SH2D1A: variants seen among roughly 807,000 people sequenced by gnomAD.
SH2D1A encodes SH2 domain containing 1A.
Under a neutral mutation model 10.1 loss-of-function variants are expected in SH2D1A, and 6 were observed. The observed-to-expected ratio is 0.60, with a 90% CI of 0.33 to 1.18. SH2D1A has a LOEUF of 1.18. Ranked by LOEUF, SH2D1A falls within the 50% of genes most tolerant of loss-of-function variation. The probability of loss-of-function intolerance (pLI) is 0.04; values close to 1 mark genes in which losing one functional copy is unlikely to be tolerated. For synonymous variants in SH2D1A, 42 were observed against 36.9 expected, an observed-to-expected ratio of 1.14 and a Z score of -0.51; for missense variants, 51 against 97.6, an observed-to-expected ratio of 0.52 and a Z score of 2.01.
In SH2D1A at chrX:124,370,186, G is replaced by C. The variant is rs1434069108; in HGVS notation, c.212G>C (p.Gly71Ala). ...TGSWSAETAP[G>A]VHKRYFRKIK... The stretch of plus-strand genomic sequence containing the variant: ...CCTTTTATTTTCCAGACAGCACCTG[G>C]GGTACATAAAAGATATTTCCGGAAA... The change falls in exon 3 of 4, where the codon GGG (glycine) becomes GCG (alanine). Residue 71 changes from glycine (G) to alanine (A), a missense_variant. Physicochemically the swap from Gly to Ala is moderately conservative, Grantham distance 60. Transcript: ENST00000371139. 8.3e-7 allele frequency: 1 copy of C among 1,202,726 alleles called. No homozygotes were observed. Among genetic ancestry groups the C allele is most frequent in the Non-Finnish European group, 1.1e-6 (1 of 888,724 alleles).
intron 1 of SH2D1A, among the ~76,000 whole-genome samples, chrX:124,362,969 A>G (rs1416635259): frequency 2.7e-5 from 3 of 111,313 alleles, no homozygotes. Flanking sequence ...GCTACTCACA[A>G]GGCAAGAGAA....
In SH2D1A at chrX:124,371,785, G is replaced by A; in HGVS notation, c.*394G>A. ...TAATTTTAAAATGTCTTGCTTGATT[G>A]TATGGTGGGAAGTTGGCTGGTGTCC... On this transcript the variant is annotated 3_prime_UTR_variant, in exon 4 of 4. Coordinates refer to ENST00000371139, the MANE Select transcript of SH2D1A (RefSeq NM_002351.5). 5.9e-6 allele frequency: 1 copy of A among 169,665 alleles called. No individual in the cohort carries two copies. Among genetic ancestry groups the A allele is most frequent in the Non-Finnish European group, 1.1e-5 (1 of 88,281 alleles). The allele number at this position is 169,665 out of a possible 1,213,427, so 14.0% of individuals were successfully genotyped here. A position where few individuals can be genotyped will look rare whatever the true frequency, so the allele number is the denominator to read the frequency against.
At chrX:124,365,436 A>G (rs1027721677) in intron 1 of SH2D1A, among the ~76,000 whole-genome samples, 1 of 110,735 alleles carries the variant, frequency 9.0e-6, no homozygotes, top group Non-Finnish European at 1.9e-5. Flanking sequence ...AAACTATCTA[A>G]TAATTCATGG....
At chrX:124,350,989 A>G (rs1158963144) in intron 1 of SH2D1A, among the ~76,000 whole-genome samples, 1 of 41,685 alleles carries the variant, frequency 2.4e-5, no homozygotes, top group Non-Finnish European at 3.5e-5. Context: ...AATATATTAT[A>G]TATATATTAT....
At chrX:124,364,593 C>T (rs2060049366) in intron 1 of SH2D1A, among the ~76,000 whole-genome samples, 1 of 109,586 alleles carries the variant, frequency 9.1e-6, no homozygotes, top group South Asian at 4.0e-4. Flanking sequence ...CAACCTCCGC[C>T]TCCTGAGTTC....
At chrX:124,364,824 T>G (rs987026083) in intron 1 of SH2D1A, among the ~76,000 whole-genome samples, 1 of 111,623 alleles carries the variant, frequency 9.0e-6, no homozygotes, top group Admixed American at 9.5e-5. Flanking sequence ...ATTCTAGTAG[T>G]GTAATGTCCT....
At chrX:124,367,778 G>T (rs753577207) in intron 2 of SH2D1A, 1 of 111,718 alleles carries the variant, frequency 9.0e-6, no homozygotes, top group East Asian at 2.8e-4. Flanking sequence ...TTAAATCTTT[G>T]CCTAGTGTAT....
chrX:124,349,397 T>A (rs956044179), intron 1 of SH2D1A, among the ~76,000 whole-genome samples: 1 of 111,808 alleles, frequency 8.9e-6, no homozygotes, highest in Non-Finnish European at 1.9e-5. Flanking sequence ...AATCAGATTT[T>A]ATTTAGAAAT....
rs915605791 is a variant in SH2D1A, at chrX:124,346,666, T to C, written c.24T>C (p.His8=). ...CCATGGACGCAGTGGCTGTGTATCA[T>C]GGCAAAATCAGCAGGGAAACCGGCG... MDAVAVY[H]GKISRETGEK... is the part of the protein sequence containing the mutation. The change falls in exon 1 of 4, where the codon CAT becomes CAC. Residue 8 remains histidine, a synonymous_variant. Transcript: ENST00000371139. 2.4e-5 allele frequency: 29 copies of C among 1,212,034 alleles called. No individual in the cohort carries two copies. Among genetic ancestry groups the C allele is most frequent in the Non-Finnish European group, 2.9e-5 (26 of 895,468 alleles).
rs1300962874 is a variant in SH2D1A at position 124,372,370 on chromosome X, G to A, written c.*979G>A. On this transcript the variant is annotated 3_prime_UTR_variant, in exon 4 of 4. Coordinates refer to ENST00000371139, the MANE Select transcript of SH2D1A (RefSeq NM_002351.5). ...TGATTATATGTCACTTTGCTACAGG[G>A]CTCACAGAATTCATTCACTCAACAA... 2.9e-5 allele frequency: 5 copies of A among 170,784 alleles called. No individual in the cohort carries two copies. The highest frequency in any genetic ancestry group is 5.6e-5 in the Non-Finnish European group (5 of 89,459). The allele number at this position is 170,784 out of a possible 1,213,427, so 14.1% of individuals were successfully genotyped here.
At position 124,372,307 on chromosome X, in the gene SH2D1A, A is replaced by G. The variant is rs1445561089; in HGVS notation, c.*916A>G. On this transcript the variant is annotated 3_prime_UTR_variant, in exon 4 of 4. Coordinates refer to ENST00000371139, the MANE Select transcript of SH2D1A (RefSeq NM_002351.5). ...CACGAGATACAGAATTTTATGCGGC[A>G]TTTTCTTCTCACATTTATATTTTTG... The G allele has an allele frequency of 2.4e-5, 4 of 168,068 alleles. No individual in the cohort carries two copies. The highest frequency in any genetic ancestry group is 1.2e-4 in the African/African-American group (4 of 33,502). 13.9% of individuals were successfully genotyped at this position (168,068 alleles called of 1,213,427 possible).
At chrX:124,369,396 C>G (rs897263082) in intron 2 of SH2D1A, among the ~76,000 whole-genome samples, 2 of 111,752 alleles carry the variant, frequency 1.8e-5, no homozygotes, top group Admixed American at 1.9e-4. Context: ...CAACTGATGT[C>G]AGGAAAGGAA....
rs767110636 is a variant in SH2D1A at position 124,370,167 on chromosome X, AT to A, written c.202-5del. On this transcript the variant is annotated splice_polypyrimidine_tract_variant and splice_region_variant and intron_variant, in intron 2 of 3. Transcript: ENST00000371139. ...AGGTAAATAATTTGCTTGGCCTTTT[AT>A]TTTCCAGACAGCACCTGGGGTACAT... 5.6e-5 allele frequency: 67 copies of A among 1,194,612 alleles called. No individual in the cohort carries two copies. Among genetic ancestry groups the A allele is most frequent in the Non-Finnish European group, 7.4e-5 (65 of 881,202 alleles).
intron 1 of SH2D1A, among the ~76,000 whole-genome samples, chrX:124,350,294 TA>T (rs1415067532): frequency 2.9e-5 from 1 of 34,683 alleles, no homozygotes; most frequent in Non-Finnish European, 4.4e-5. Context: ...ATATAATATA[TA>T]ATATATAAAT....
chrX:124,351,792 A>G (rs1391415760), intron 1 of SH2D1A, among the ~76,000 whole-genome samples: 2 of 110,485 alleles, frequency 1.8e-5, no homozygotes, highest in African/African-American at 3.3e-5. Flanking sequence ...AACACACTCT[A>G]TGTGTATATA....
chrX:124,365,848 T>G lies in SH2D1A; in HGVS notation c.201+24T>G, dbSNP rs763061844. 26 of 989,303 alleles carry G rather than the reference T, an allele frequency of 2.6e-5. No homozygotes were observed. In the Admixed American group the frequency reaches 5.7e-4, roughly 22 times the overall value. 81.5% of individuals were successfully genotyped at this position (989,303 alleles called of 1,213,427 possible). On this transcript the variant is annotated intron_variant, in intron 2 of 3. Transcript: ENST00000371139. ...AGGTATAGTTGTATTTATTTTTGCTTCTGGGGGTGTCAAGGAGGTATTTGA... is the reference window on the plus strand; with the variant it reads ...AGGTATAGTTGTATTTATTTTTGCTGCTGGGGGTGTCAAGGAGGTATTTGA...
chrX:124,361,262 C>A (rs1281150361), intron 1 of SH2D1A, among the ~76,000 whole-genome samples: 1 of 111,665 alleles, frequency 9.0e-6, no homozygotes, highest in African/African-American at 3.3e-5. Flanking sequence ...TATGAGCACA[C>A]AGCAAGAAGG....
chrX:124,368,914 T>G (rs1365419974), intron 2 of SH2D1A, among the ~76,000 whole-genome samples: 1 of 111,746 alleles, frequency 8.9e-6, no homozygotes, highest in East Asian at 2.8e-4. Flanking sequence ...TTGGATGAGT[T>G]CTCAATCGAG....
At chrX:124,359,889 G>A (rs771955255) in intron 1 of SH2D1A, among the ~76,000 whole-genome samples, 1 of 110,761 alleles carries the variant, frequency 9.0e-6, no homozygotes, top group African/African-American at 3.3e-5. Context: ...CAGTTCTGAT[G>A]CATATTGATG....
Sources: allele counts gnomAD v4.1 joint callset (sites outside exome capture counted in the v4.1 genomes callset), GRCh38; gene constraint gnomAD v4.1.1; transcripts MANE v1.5; gene names NCBI Gene and HGNC (gene_info 2026-07-23, HGNC 2026-07-21).